Variants in IL34 observed in about 807,000 individuals in gnomAD.
IL34 encodes interleukin-34.
Under a neutral mutation model 25.3 loss-of-function variants are expected in IL34, and 17 were observed. The observed-to-expected ratio is 0.67, with a 90% CI of 0.46 to 1.01. The LOEUF (loss-of-function observed/expected upper bound fraction) is 1.01. Among genes scored for constraint, IL34 ranks in the 50% least tolerant of loss-of-function variants. The pLI is 0.00. For missense variants in IL34, 368 were observed against 312.9 expected (o/e 1.18, Z -1.33); for synonymous variants, 174 against 140.9 (o/e 1.23, Z -1.66).
chr16:70,631,240 T>C (rs1204041305), intron 1 of IL34, among the ~76,000 whole-genome samples: 1 of 152,220 alleles, frequency 6.6e-6, no homozygotes, highest in African/African-American at 2.4e-5. Context: ...CAATAGCTAC[T>C]GTGGACTGTT....
chr16:70,616,672 G>A (rs897435303), intron 1 of IL34, among the ~76,000 whole-genome samples: 6 of 152,148 alleles, frequency 3.9e-5, no homozygotes, highest in Non-Finnish European at 7.3e-5. Context: ...GCGGGCAGGG[G>A]TGGATCTCAC....
intron 1 of IL34, among the ~76,000 whole-genome samples, chr16:70,635,584 T>C (rs1199246887): frequency 6.6e-6 from 1 of 152,170 alleles, no homozygotes; most frequent in African/African-American, 2.4e-5. Context: ...GCAGCTTCCT[T>C]GAGCAGGAGC....
chr16:70,653,900 C>T (rs2052145118), intron 1 of IL34, among the ~76,000 whole-genome samples: 1 of 152,036 alleles, frequency 6.6e-6, no homozygotes, highest in Non-Finnish European at 1.5e-5. Flanking sequence ...ACAGTGACCC[C>T]CAGTGGCAAA....
chr16:70,610,181 G>A (rs917093076), intron 1 of IL34, among the ~76,000 whole-genome samples: 6 of 149,968 alleles, frequency 4.0e-5, no homozygotes, highest in Admixed American at 2.0e-4. Flanking sequence ...CAGCCTGGGC[G>A]AAAGAGCGAG....
At chr16:70,595,610 G>T (rs1186994810) in intron 1 of IL34, among the ~76,000 whole-genome samples, 1 of 152,060 alleles carries the variant, frequency 6.6e-6, no homozygotes, top group Non-Finnish European at 1.5e-5. Flanking sequence ...GAGCCACTGC[G>T]CCAGGGCTCC....
intron 1 of IL34, among the ~76,000 whole-genome samples, chr16:70,589,955 A>T (rs2050734103): frequency 6.6e-6 from 1 of 152,238 alleles, no homozygotes; most frequent in Admixed American, 6.5e-5. Flanking sequence ...ACGAAAAAAT[A>T]GTAGATCCTT....
intron 1 of IL34, among the ~76,000 whole-genome samples, chr16:70,626,570 A>G (rs1005851991): frequency 9.2e-5 from 14 of 151,478 alleles, no homozygotes; most frequent in African/African-American, 3.4e-4. Flanking sequence ...CTAATTTTGT[A>G]TTTTTAGTGG....
intron 1 of IL34, among the ~76,000 whole-genome samples, chr16:70,610,933 C>T (rs559178192): frequency 1.3e-5 from 2 of 151,752 alleles, no homozygotes; most frequent in South Asian, 2.1e-4. Context: ...TCTTTCCCCC[C>T]CTTCCATCCT....
chr16:70,654,585 A>G lies in IL34; in HGVS notation c.76A>G (p.Met26Val), dbSNP rs914275754. 4.3e-6 allele frequency: 7 copies of G among 1,613,334 alleles called. No homozygotes were observed. Among genetic ancestry groups the G allele is most frequent in the Non-Finnish European group, 5.9e-6 (7 of 1,179,636 alleles). The change falls in exon 2 of 6, where the codon ATG becomes GTG. Residue 26 changes from methionine (M) to valine (V), a missense_variant. Transcript: ENST00000288098. ...GVALGNEPLE[M>V]WPLTQNEECT... is the part of the protein sequence containing the mutation. Reference sequence around the variant, plus strand: ...GGCCTTGGGGAATGAGCCTTTGGAGATGTGGCCCTTGACGCAGAATGAGGA... The same window carrying G: ...GGCCTTGGGGAATGAGCCTTTGGAGGTGTGGCCCTTGACGCAGAATGAGGA...
intron 1 of IL34, among the ~76,000 whole-genome samples, chr16:70,628,308 A>G (rs1055724633): frequency 1.6e-4 from 25 of 152,270 alleles, no homozygotes; most frequent in African/African-American, 5.1e-4. Context: ...AACACAGTAT[A>G]TCTTTTTCCA....
At chr16:70,639,118 T>C (rs2051723031) in intron 1 of IL34, among the ~76,000 whole-genome samples, 2 of 152,202 alleles carry the variant, frequency 1.3e-5, no homozygotes, top group African/African-American at 4.8e-5. Flanking sequence ...GGAGATGCCC[T>C]TGGGATATGG....
At chr16:70,643,431 C>T (rs34692833), upstream of IL34, among the ~76,000 whole-genome samples, 43,574 of 152,096 alleles carry the variant, frequency 0.29, 6,554 homozygotes, top group South Asian at 0.45. Flanking sequence ...AGTGCAGTGG[C>T]GTGATCATGG....
intron 1 of IL34, among the ~76,000 whole-genome samples, chr16:70,647,505 G>T (rs1391103928): frequency 2.0e-5 from 3 of 152,118 alleles, no homozygotes; most frequent in Admixed American, 2.0e-4. Context: ...TTGAAATGAG[G>T]ACAGAAAGGA....
chr16:70,615,451 A>G (rs1185153534), intron 1 of IL34, among the ~76,000 whole-genome samples: 4 of 152,164 alleles, frequency 2.6e-5, no homozygotes, highest in Non-Finnish European at 5.9e-5. Flanking sequence ...AGGTTGCAGT[A>G]AGCCGAGATT....
rs574024171 is a variant in IL34, at chr16:70,614,218, C to G, written c.-400-32330C>G. Among the ~76,000 whole-genome samples, 6 of 151,706 alleles carry G rather than the reference C, an allele frequency of 4.0e-5. No homozygotes were observed. In the East Asian group the frequency reaches 9.7e-4, roughly 25 times the overall value. On this transcript the variant is annotated intron_variant, in intron 1 of 6. Coordinates refer to the IL34 transcript ENST00000429149. ...AAAAAAGAAGTGCAGTATCCCAGGC[C>G]CTACCCCAGACTTTCTGAGTGAGTC...
chr16:70,619,500 G>A (rs12599588), intron 1 of IL34, among the ~76,000 whole-genome samples: 55,989 of 149,532 alleles, frequency 0.37, 10,575 homozygotes, highest in South Asian at 0.59. Context: ...TGCCTAAGTT[G>A]GCACCAGAGT....
At chr16:70,599,265 GTTTCTTTC>G (rs748787068) in intron 1 of IL34, among the ~76,000 whole-genome samples, 34 of 139,174 alleles carry the variant, frequency 2.4e-4, no homozygotes, top group East Asian at 4.2e-4. Context: ...GTCAAGAACT[GTTTCTTTC>G]TTTCTTTCTT....
intron 1 of IL34, among the ~76,000 whole-genome samples, chr16:70,640,115 T>C (rs931302899): frequency 6.6e-6 from 1 of 152,088 alleles, no homozygotes; most frequent in East Asian, 1.9e-4. Flanking sequence ...CTGTACATAA[T>C]TGTATGTGCT....
chr16:70,611,097 G>C (rs1295523351), intron 1 of IL34, among the ~76,000 whole-genome samples: 4 of 152,194 alleles, frequency 2.6e-5, no homozygotes, highest in Non-Finnish European at 5.9e-5. Flanking sequence ...TCCCGCCTCA[G>C]CCTCCTGAGT....
Sources: gnomAD v4.1 joint callset for allele counts (sites outside exome capture counted in the v4.1 genomes callset) on GRCh38, gnomAD v4.1.1 for gene constraint, MANE v1.5 for transcripts, NCBI Gene and HGNC (gene_info 2026-07-23, HGNC 2026-07-21) for gene names.